Variants in CNTN1 observed in about 807,000 individuals in gnomAD.
CNTN1 encodes the protein contactin-1.
A neutral mutation model predicts 126.4 loss-of-function variants in CNTN1; 38 were observed. The observed-to-expected ratio is 0.30, with a 90% CI of 0.23 to 0.39. CNTN1 has a LOEUF of 0.39. CNTN1 is among the 10% of genes least tolerant of loss of function. The pLI, the probability that CNTN1 is intolerant of heterozygous loss-of-function variation, is 1.00. For missense variants in CNTN1, 1,009 were observed against 1,248.4 expected (o/e 0.81, Z 2.89); for synonymous variants, 413 against 422.6 (o/e 0.98, Z 0.28).
At chr12:40,908,951 T>A (rs1944931531) in intron 2 of CNTN1, among the ~76,000 whole-genome samples, 1 of 152,130 alleles carries the variant, frequency 6.6e-6, no homozygotes, top group African/African-American at 2.4e-5. Flanking sequence ...AAGCATTTAT[T>A]CCCTTTGTTC....
At chr12:40,892,956 G>GGGGGC (rs1555174974) in intron 1 of CNTN1, among the ~76,000 whole-genome samples, 1 of 48,840 alleles carries the variant, frequency 2.0e-5, no homozygotes, top group African/African-American at 1.7e-4. Flanking sequence ...AATGAAAACT[G>GGGGGC]GGGGGGGTGA....
intron 23 of CNTN1, among the ~76,000 whole-genome samples, chr12:41,056,412 T>G (rs1949802523): frequency 1.3e-5 from 2 of 152,140 alleles, no homozygotes; most frequent in South Asian, 4.1e-4. Context: ...TTAATCTGTA[T>G]ACTATGTTAG....
At chr12:40,874,935 A>T (rs1943619261) in intron 1 of CNTN1, among the ~76,000 whole-genome samples, 1 of 152,182 alleles carries the variant, frequency 6.6e-6, no homozygotes, top group Admixed American at 6.5e-5. Context: ...AAAGTGGGTC[A>T]ACTTGACACA....
chr12:40,921,913 A>G (rs564049974), intron 4 of CNTN1, among the ~76,000 whole-genome samples: 21 of 152,328 alleles, frequency 1.4e-4, no homozygotes, highest in Admixed American at 4.6e-4. Flanking sequence ...ATATCTGCAT[A>G]TGTATGAATC....
intron 1 of CNTN1, among the ~76,000 whole-genome samples, chr12:40,841,138 C>A (rs1942262676): frequency 6.6e-6 from 1 of 151,842 alleles, no homozygotes; most frequent in African/African-American, 2.4e-5. Context: ...CACAGAAATA[C>A]AGAAGATCAT....
chr12:40,723,750 A>G (rs1315993026), intron 1 of CNTN1, among the ~76,000 whole-genome samples: 1 of 152,216 alleles, frequency 6.6e-6, no homozygotes, highest in African/African-American at 2.4e-5. Context: ...TAGAAACTCC[A>G]ACATATTTCT....
At chr12:40,780,312 T>C (rs767192598) in intron 1 of CNTN1, among the ~76,000 whole-genome samples, 8 of 151,778 alleles carry the variant, frequency 5.3e-5, no homozygotes, top group Non-Finnish European at 1.2e-4. Context: ...ATATCCCAAT[T>C]GGGAAAAGGA....
intron 14 of CNTN1, among the ~76,000 whole-genome samples, chr12:40,945,216 G>A: frequency 6.6e-6 from 1 of 152,014 alleles, no homozygotes; most frequent in South Asian, 2.1e-4. Flanking sequence ...TGTAAATTTT[G>A]TATTTTGACA....
At chr12:41,057,290 G>A (rs1282305519) in intron 23 of CNTN1, among the ~76,000 whole-genome samples, 1 of 148,814 alleles carries the variant, frequency 6.7e-6, no homozygotes, top group Non-Finnish European at 1.5e-5. Flanking sequence ...TAAAGAAAGA[G>A]CCATGTATTC....
chr12:40,857,555 G>GA (rs1290975483), intron 1 of CNTN1, among the ~76,000 whole-genome samples: 3 of 152,212 alleles, frequency 2.0e-5, no homozygotes, highest in Non-Finnish European at 4.4e-5. Flanking sequence ...TGGGTTCTCA[G>GA]AAAATAGACA....
chr12:40,874,467 T>A (rs1051330188), intron 1 of CNTN1, among the ~76,000 whole-genome samples: 1 of 152,182 alleles, frequency 6.6e-6, no homozygotes. Context: ...TCATTATAGA[T>A]GTGTATATTA....
intron 1 of CNTN1, among the ~76,000 whole-genome samples, chr12:40,905,586 A>C (rs560609777): frequency 6.6e-6 from 1 of 152,284 alleles, no homozygotes; most frequent in Non-Finnish European, 1.5e-5. Context: ...GCTGGAGTAC[A>C]GTTAGGATTA....
At chr12:40,816,598 T>C (rs1941263693) in intron 1 of CNTN1, among the ~76,000 whole-genome samples, 1 of 152,014 alleles carries the variant, frequency 6.6e-6, no homozygotes, top group South Asian at 2.1e-4. Context: ...AAACATCCCC[T>C]GAATTCATTG....
chr12:40,924,196 A>C (rs1565957801), intron 5 of CNTN1, among the ~76,000 whole-genome samples: 1 of 151,964 alleles, frequency 6.6e-6, no homozygotes, highest in Admixed American at 6.6e-5. Context: ...CTTCTTACTT[A>C]CTTTCTTTGG....
At chr12:40,742,792 AT>A (rs1250386248) in intron 1 of CNTN1, among the ~76,000 whole-genome samples, 1 of 152,024 alleles carries the variant, frequency 6.6e-6, no homozygotes, top group African/African-American at 2.4e-5. Flanking sequence ...TGCTATGATA[AT>A]TTTCCTCCTC....
intron 1 of CNTN1, among the ~76,000 whole-genome samples, chr12:40,735,079 C>A (rs1937620078): frequency 6.6e-6 from 1 of 152,114 alleles, no homozygotes; most frequent in African/African-American, 2.4e-5. Context: ...CTATTTAAAT[C>A]ATCATTGTTG....
chr12:40,909,047 A>G (rs974010625), intron 2 of CNTN1, among the ~76,000 whole-genome samples: 32 of 152,310 alleles, frequency 2.1e-4, no homozygotes, highest in Admixed American at 1.3e-3. Flanking sequence ...TCTGAAAATT[A>G]ATAATCACTT....
chr12:40,882,644 G>T (rs868102171), intron 1 of CNTN1, among the ~76,000 whole-genome samples: 3 of 151,564 alleles, frequency 2.0e-5, no homozygotes, highest in Middle Eastern at 3.4e-3. Flanking sequence ...CATCTCTCAG[G>T]ATCTATGCCA....
chr12:40,832,351 T>C lies in CNTN1; in HGVS notation c.-76-76006T>C, dbSNP rs1234728064. Among the ~76,000 whole-genome samples the C allele has an allele frequency of 3.3e-5, 5 of 152,330 alleles. No individual in the cohort carries two copies. The East Asian group carries it at 9.6e-4, about 29-fold the overall frequency. ...AATTTCCTGTTGCGTAGTGATATGG[T>C]AGCCCTTGTAATGACATAGAGCAAC... is the stretch of plus-strand genomic sequence containing the variant. On this transcript the variant is annotated intron_variant, in intron 1 of 23. Coordinates refer to ENST00000551295, the MANE Select transcript of CNTN1 (RefSeq NM_001843.4).
Sources: gnomAD v4.1 joint callset for allele counts (sites outside exome capture counted in the v4.1 genomes callset) on GRCh38, gnomAD v4.1.1 for gene constraint, MANE v1.5 for transcripts, NCBI Gene and HGNC (gene_info 2026-07-23, HGNC 2026-07-21) for gene names.